The following ZDHHC14 variants were observed in gnomAD, a reference collection of about 807,000 sequenced individuals.
The protein encoded by ZDHHC14 is zDHHC palmitoyltransferase 14, also known as palmitoyltransferase ZDHHC14.
ZDHHC14 carries 16 observed loss-of-function variants against 47.7 expected under a neutral mutation model. The observed-to-expected ratio is 0.34, with a 90% CI of 0.23 to 0.51. ZDHHC14 has a LOEUF of 0.51. ZDHHC14 is among the 20% of genes least tolerant of loss of function. The pLI, the probability that ZDHHC14 is intolerant of heterozygous loss-of-function variation, is 0.97. For synonymous variants in ZDHHC14, 293 were observed against 278.9 expected (o/e 1.05, Z -0.50); for missense variants, 515 against 662.5 (o/e 0.78, Z 2.44).
At chr6:157,597,539 C>A (rs1434183665) in intron 3 of ZDHHC14, among the ~76,000 whole-genome samples, 1 of 152,246 alleles carries the variant, frequency 6.6e-6, no homozygotes, top group Admixed American at 6.5e-5. Flanking sequence ...TAAGATGAAA[C>A]ACTGCCAGCA....
In ZDHHC14 at chr6:157,473,065, A is replaced by G. The variant is rs1357654804; in HGVS notation, c.246-69520A>G. On this transcript the variant is annotated intron_variant, in intron 1 of 8. Transcript: ENST00000359775. ...TTAATGAACAAAACTGTGTATATGT[A>G]TGGTATACAACATGGTATGTGATAT... is the stretch of plus-strand genomic sequence containing the variant. Among the ~76,000 whole-genome samples, 4 of 152,344 alleles carry G rather than the reference A, an allele frequency of 2.6e-5. No individual in the cohort carries two copies. In the East Asian group the frequency reaches 7.7e-4, roughly 29 times the overall value.
chr6:157,435,076 G>A (rs1175656186), intron 1 of ZDHHC14, among the ~76,000 whole-genome samples: 4 of 152,202 alleles, frequency 2.6e-5, no homozygotes, highest in Non-Finnish European at 5.9e-5. Context: ...ATAGAAAATT[G>A]TTTTCACTCC....
chr6:157,621,537 C>T (rs1356888268), intron 3 of ZDHHC14, among the ~76,000 whole-genome samples: 1 of 152,200 alleles, frequency 6.6e-6, no homozygotes, highest in African/African-American at 2.4e-5. Flanking sequence ...CCTGACCAAG[C>T]TGAGCCACCG....
chr6:157,524,260 G>T (rs759279473), intron 1 of ZDHHC14, among the ~76,000 whole-genome samples: 17 of 151,804 alleles, frequency 1.1e-4, no homozygotes, highest in Admixed American at 1.1e-3. Flanking sequence ...TCTTGAGTAC[G>T]GTACCTGGGA....
At chr6:157,430,483 C>T (rs1778317108) in intron 1 of ZDHHC14, among the ~76,000 whole-genome samples, 1 of 152,132 alleles carries the variant, frequency 6.6e-6, no homozygotes, top group African/African-American at 2.4e-5. Flanking sequence ...GAGGCTGCCC[C>T]CGCCTTTCCC....
chr6:157,645,712 C>T (rs755257771), intron 5 of ZDHHC14, 25 bp from the exon 6 acceptor site: 16 of 1,604,286 alleles, frequency 1.0e-5, no homozygotes, highest in South Asian at 7.8e-5. Flanking sequence ...CCCTCACTTC[C>T]GCTTGCCTCC....
At chr6:157,608,074 C>T (rs1158217391) in intron 3 of ZDHHC14, among the ~76,000 whole-genome samples, 2 of 152,170 alleles carry the variant, frequency 1.3e-5, no homozygotes, top group African/African-American at 2.4e-5. Context: ...GTTTGTTTTT[C>T]ACCAACGAAT....
chr6:157,440,424 A>C (rs1221009084), intron 1 of ZDHHC14, among the ~76,000 whole-genome samples: 1 of 152,220 alleles, frequency 6.6e-6, no homozygotes, highest in Non-Finnish European at 1.5e-5. Flanking sequence ...TTATGAGGAC[A>C]TAGAGAAACT....
intron 6 of ZDHHC14, 25 bp downstream of exon 6, chr6:157,645,864 C>T (rs768261687): frequency 1.1e-5 from 17 of 1,600,594 alleles, no homozygotes; most frequent in African/African-American, 2.7e-5. Context: ...ACACGGGACA[C>T]GGGCGTGTTC....
At chr6:157,405,218 C>T (rs1021109094) in intron 1 of ZDHHC14, among the ~76,000 whole-genome samples, 10 of 152,138 alleles carry the variant, frequency 6.6e-5, no homozygotes, top group Admixed American at 2.6e-4. Flanking sequence ...AAAGATCCAG[C>T]GCAAAACCTC....
At chr6:157,479,501 G>T (rs1195151134) in intron 1 of ZDHHC14, among the ~76,000 whole-genome samples, 1 of 152,158 alleles carries the variant, frequency 6.6e-6, no homozygotes, top group African/African-American at 2.4e-5. Flanking sequence ...CCTCCTGCTG[G>T]CATTTGCCTT....
In ZDHHC14 at chr6:157,675,993, C is replaced by A. The variant is rs1375179453; in HGVS notation, c.*2871C>A. 2.0e-5 allele frequency: 3 copies of A among 152,226 alleles called. No individual in the cohort carries two copies. Among genetic ancestry groups the A allele is most frequent in the African/African-American group, 7.2e-5 (3 of 41,464 alleles). 9.4% of individuals were successfully genotyped at this position (152,226 alleles called of 1,614,324 possible). On this transcript the variant is annotated 3_prime_UTR_variant, in exon 9 of 9. Transcript: ENST00000359775. Reference sequence around the variant, plus strand: ...GTTCTCCCAGGAGTGCTCCAGGGAACCACAGGCTTCCCGGCACTTGAAGGC... The same window carrying A: ...GTTCTCCCAGGAGTGCTCCAGGGAAACACAGGCTTCCCGGCACTTGAAGGC...
At chr6:157,387,459 C>T (rs1777337428) in intron 1 of ZDHHC14, among the ~76,000 whole-genome samples, 1 of 152,190 alleles carries the variant, frequency 6.6e-6, no homozygotes, top group Admixed American at 6.5e-5. Flanking sequence ...TCAACCTCTC[C>T]ACCATCTCAG....
intron 6 of ZDHHC14, among the ~76,000 whole-genome samples, chr6:157,646,749 G>C (rs1777576393): frequency 6.6e-6 from 1 of 152,148 alleles, no homozygotes; most frequent in Non-Finnish European, 1.5e-5. Context: ...GATAGGTCCA[G>C]TTACCTTAAA....
At chr6:157,473,235 G>A (rs9406301) in intron 1 of ZDHHC14, among the ~76,000 whole-genome samples, 41,089 of 151,976 alleles carry the variant, frequency 0.27, 6,225 homozygotes, top group East Asian at 0.48. Flanking sequence ...AACTCTAGTC[G>A]TCATGATGTA....
At chr6:157,578,010 G>A (rs1007185500) in intron 2 of ZDHHC14, among the ~76,000 whole-genome samples, 1 of 151,606 alleles carries the variant, frequency 6.6e-6, no homozygotes, top group Non-Finnish European at 1.5e-5. Flanking sequence ...AAAAGTGTCT[G>A]TTCATGTCCT....
rs189088916 is a variant in ZDHHC14, at chr6:157,653,500, T to C, written c.966-25T>C. Reference sequence around the variant, plus strand: ...TCTGGCTTTTTATTCACTCTCTTCCTGCTGTGTTTTCTTTTCTCTCGCAGC... The same window carrying C: ...TCTGGCTTTTTATTCACTCTCTTCCCGCTGTGTTTTCTTTTCTCTCGCAGC... On this transcript the variant is annotated intron_variant, in intron 7 of 8. Coordinates refer to ENST00000359775, the MANE Select transcript of ZDHHC14 (RefSeq NM_024630.3). 6.3e-3 allele frequency: 10,168 copies of C among 1,611,882 alleles called. 37 individuals carry two copies. Among genetic ancestry groups the C allele is most frequent in the Non-Finnish European group, 6.8e-3 (7,997 of 1,179,116 alleles).
At chr6:157,443,704 G>T (rs2114794660) in intron 1 of ZDHHC14, among the ~76,000 whole-genome samples, 1 of 152,324 alleles carries the variant, frequency 6.6e-6, no homozygotes, top group East Asian at 1.9e-4. Context: ...TGAACTAGCT[G>T]CACATGGATA....
chr6:157,510,230 C>T (rs751384960), intron 1 of ZDHHC14, among the ~76,000 whole-genome samples: 1 of 152,056 alleles, frequency 6.6e-6, no homozygotes, highest in South Asian at 2.1e-4. Context: ...GGTGACAGAG[C>T]GAGACTCTGT....
Sources: allele counts gnomAD v4.1 joint callset (sites outside exome capture counted in the v4.1 genomes callset), GRCh38; gene constraint gnomAD v4.1.1; transcripts MANE v1.5; gene names NCBI Gene and HGNC (gene_info 2026-07-23, HGNC 2026-07-21).